The following ABLIM3 variants were observed in gnomAD, a reference collection of about 807,000 sequenced individuals.
The protein encoded by ABLIM3 is actin-binding LIM protein 3.
In ABLIM3, 61 loss-of-function variants were observed where a neutral mutation model predicts 109.5. The observed-to-expected ratio is 0.56, with a 90% CI of 0.45 to 0.69. The LOEUF (loss-of-function observed/expected upper bound fraction) is 0.69, where lower values mean the gene tolerates loss of function less well. ABLIM3 is among the 30% of genes least tolerant of loss of function. ABLIM3 has a pLI of 0.00. For synonymous variants in ABLIM3, 300 were observed against 324.8 expected (o/e 0.92, Z 0.82); for missense variants, 796 against 889.5 (o/e 0.89, Z 1.34).
chr5:149,192,916 A>C (rs988934304), intron 3 of ABLIM3, among the ~76,000 whole-genome samples: 1 of 152,172 alleles, frequency 6.6e-6, no homozygotes, highest in Non-Finnish European at 1.5e-5. Context: ...GTTAATCAAC[A>C]CCATAGGGAT....
intron 10 of ABLIM3, among the ~76,000 whole-genome samples, chr5:149,235,215 A>G (rs1327876727): frequency 6.6e-6 from 1 of 152,206 alleles, no homozygotes; most frequent in Non-Finnish European, 1.5e-5. Flanking sequence ...CAGTGAGCCC[A>G]TCCCAAGCAT....
Position 149,233,259 on chromosome 5 carries a change from C to T in ABLIM3, c.847C>T (p.Pro283Ser). ...ACGGACATCTGAAACCTCCATCTCA[C>T]CCCCTGGATCCAGCATTGGGTCACC... ...HRRTSETSISPPGSSIGSPNR... is the reference protein window; with the variant it reads ...HRRTSETSISSPGSSIGSPNR... Residue 283 changes from proline (P) to serine (S), a missense_variant, in exon 10 of 24, where the codon CCC (proline) becomes TCC (serine). By Grantham distance (74) the Pro-to-Ser change is moderately conservative. Coordinates refer to ENST00000309868, the MANE Select transcript of ABLIM3 (RefSeq NM_014945.5). 1 of 1,614,164 alleles carries T rather than the reference C, an allele frequency of 6.2e-7. No homozygotes were observed.
intron 2 of ABLIM3, among the ~76,000 whole-genome samples, chr5:149,146,300 C>T (rs775388579): frequency 1.3e-5 from 2 of 152,166 alleles, no homozygotes; most frequent in Non-Finnish European, 2.9e-5. Context: ...TTTTGCAGTG[C>T]AGAAACTCTT....
chr5:149,194,706 A>G (rs960053225), intron 3 of ABLIM3, among the ~76,000 whole-genome samples: 1 of 152,226 alleles, frequency 6.6e-6, no homozygotes, highest in Non-Finnish European at 1.5e-5. Flanking sequence ...CCATCAACAT[A>G]AAGTTCAAAA....
At position 149,217,050 on chromosome 5, in the gene ABLIM3, A is replaced by G; in HGVS notation, c.757+4A>G. ...GGAGAGGAAATGTACCTCACAGGTAAGTAAATCTGACCCTCTGTAAGGCCT... is the reference window on the plus strand; with the variant it reads ...GGAGAGGAAATGTACCTCACAGGTAGGTAAATCTGACCCTCTGTAAGGCCT... On this transcript the variant is annotated splice_donor_region_variant and intron_variant, in intron 8 of 23. Coordinates refer to ENST00000309868, the MANE Select transcript of ABLIM3 (RefSeq NM_014945.5). The G allele has an allele frequency of 2.5e-6, 4 of 1,613,920 alleles. No homozygotes were observed. Among genetic ancestry groups the G allele is most frequent in the Non-Finnish European group, 2.5e-6 (3 of 1,179,818 alleles).
At chr5:149,168,143 A>G (rs1266222503) in intron 2 of ABLIM3, among the ~76,000 whole-genome samples, 1 of 152,200 alleles carries the variant, frequency 6.6e-6, no homozygotes, top group Non-Finnish European at 1.5e-5. Context: ...GGGTCAGGGA[A>G]TTGTCCCCAA....
At chr5:149,150,037 C>G (rs989820754) in intron 2 of ABLIM3, among the ~76,000 whole-genome samples, 7 of 152,210 alleles carry the variant, frequency 4.6e-5, no homozygotes, top group Non-Finnish European at 2.9e-5. Context: ...CCTCTTCTCT[C>G]TCCCTCAGAT....
At chr5:149,164,744 G>T (rs904770858) in intron 2 of ABLIM3, among the ~76,000 whole-genome samples, 1 of 152,170 alleles carries the variant, frequency 6.6e-6, no homozygotes, top group Non-Finnish European at 1.5e-5. Context: ...GAGGGGAGAA[G>T]CAGGAAGTAT....
chr5:149,201,342 A>G (rs1316990099), intron 5 of ABLIM3, among the ~76,000 whole-genome samples: 3 of 152,116 alleles, frequency 2.0e-5, no homozygotes, highest in Admixed American at 6.5e-5. Context: ...AAGAAAATCA[A>G]TGAAAATTCC....
intron 3 of ABLIM3, among the ~76,000 whole-genome samples, chr5:149,189,980 G>A (rs1355387307): frequency 6.6e-6 from 1 of 152,154 alleles, no homozygotes; most frequent in Non-Finnish European, 1.5e-5. Flanking sequence ...ATCAACAAAT[G>A]AATGGATAAA....
chr5:149,252,868 G>A (rs754444273), intron 23 of ABLIM3, 31 bp downstream of exon 23: 1 of 1,574,194 alleles, frequency 6.4e-7, no homozygotes, highest in African/African-American at 1.3e-5. Flanking sequence ...AGGAGCTCTT[G>A]GGTTGGAAGA....
intron 14 of ABLIM3, among the ~76,000 whole-genome samples, chr5:149,241,819 G>A (rs900413570): frequency 4.6e-5 from 7 of 152,188 alleles, no homozygotes; most frequent in Non-Finnish European, 7.3e-5. Context: ...ATCCCAGGCA[G>A]AGGGAAGAGC....
rs1754799180 is a variant in ABLIM3 at position 149,260,388 on chromosome 5, T to C, written c.*1984T>C. 6.6e-6 allele frequency: 1 copy of C among 152,636 alleles called. No individual in the cohort carries two copies. The highest frequency in any genetic ancestry group is 2.4e-5 in the African/African-American group (1 of 41,456). 9.5% of individuals were successfully genotyped at this position (152,636 alleles called of 1,614,324 possible). On this transcript the variant is annotated 3_prime_UTR_variant, in exon 24 of 24. Transcript: ENST00000309868. ...TGGCGAGATTGAAGGGCTTTTGTTA[T>C]TGTTGTTGGATATTTTTGTTTCCCA...
intron 7 of ABLIM3, among the ~76,000 whole-genome samples, chr5:149,213,295 T>G (rs1340322680): frequency 6.6e-6 from 1 of 152,152 alleles, no homozygotes; most frequent in Non-Finnish European, 1.5e-5. Flanking sequence ...GGCGAGCAGC[T>G]GCTCACAGTG....
chr5:149,246,514 G>A lies in ABLIM3; in HGVS notation c.1519G>A (p.Glu507Lys). Residue 507 changes from glutamate (E) to lysine (K), a missense_variant, in exon 17 of 24, where the codon GAG (glutamate) becomes AAG (lysine). Coordinates refer to ENST00000309868, the MANE Select transcript of ABLIM3 (RefSeq NM_014945.5). ...PRARRFSSGG[E>K]EDDFDRSMHK... ...AGCCAGAAGGTTCTCGTCTGGAGGAGAGGAGGATGATTTTGACCGCAGCAT... is the reference window on the plus strand; with the variant it reads ...AGCCAGAAGGTTCTCGTCTGGAGGAAAGGAGGATGATTTTGACCGCAGCAT... 1.2e-6 allele frequency: 2 copies of A among 1,614,094 alleles called. No homozygotes were observed. The highest frequency in any genetic ancestry group is 1.7e-6 in the Non-Finnish European group (2 of 1,179,994).
In ABLIM3 at chr5:149,183,496, G is replaced by A. The variant is rs768003190; in HGVS notation, c.58G>A (p.Val20Ile). The A allele has an allele frequency of 2.1e-5, 34 of 1,594,722 alleles. No individual in the cohort carries two copies. Among genetic ancestry groups the A allele is most frequent in the Non-Finnish European group, 2.8e-5 (33 of 1,171,270 alleles). The change falls in exon 3 of 24, where the codon GTC becomes ATC. Residue 20 changes from valine to isoleucine, a missense_variant. Physicochemically the swap from Val to Ile is conservative, Grantham distance 29. Transcript: ENST00000309868. The part of the protein sequence containing the change: ...NPYNPRGSSN[V>I]IQCYRCGDTC... ...TTACAATCCACGGGGCAGCTCCAATGTCATCCAGTGCTACCGCTGTGGAGA... is the reference window on the plus strand; with the variant it reads ...TTACAATCCACGGGGCAGCTCCAATATCATCCAGTGCTACCGCTGTGGAGA...
chr5:149,207,252 A>G, intron 6 of ABLIM3, 118 bp downstream of exon 6: 2 of 1,419,690 alleles, frequency 1.4e-6, no homozygotes, highest in Non-Finnish European at 1.9e-6. Flanking sequence ...CTGCTGCTGC[A>G]TTCTGGCCAA....
At chr5:149,225,980 G>GTATATATA (rs1761199218) in intron 8 of ABLIM3, among the ~76,000 whole-genome samples, 1 of 21,920 alleles carries the variant, frequency 4.6e-5, no homozygotes. Flanking sequence ...GTGTGTGTGT[G>GTATATATA]TGTATATATA....
At chr5:149,229,038 A>G (rs1290302514) in intron 8 of ABLIM3, among the ~76,000 whole-genome samples, 2 of 152,092 alleles carry the variant, frequency 1.3e-5, no homozygotes, top group Non-Finnish European at 2.9e-5. Flanking sequence ...TCCATTTCCT[A>G]CAGTGACCTG....
Sources: allele counts gnomAD v4.1 joint callset (sites outside exome capture counted in the v4.1 genomes callset), GRCh38; gene constraint gnomAD v4.1.1; transcripts MANE v1.5; gene names NCBI Gene and HGNC (gene_info 2026-07-23, HGNC 2026-07-21).